The following TSPAN9 variants were observed in gnomAD, a reference collection of about 807,000 sequenced individuals.
The protein encoded by TSPAN9 is tetraspanin 9.
TSPAN9 carries 16 observed loss-of-function variants against 31.0 expected under a neutral mutation model. That is an observed-to-expected ratio of 0.52 (90% CI 0.35 to 0.78). The LOEUF (loss-of-function observed/expected upper bound fraction) is 0.78, where lower values mean the gene tolerates loss of function less well. TSPAN9 is among the 30% of genes least tolerant of loss of function. The pLI is 0.01. For missense variants in TSPAN9, 272 were observed against 312.5 expected, an observed-to-expected ratio of 0.87 and a Z score of 0.98; for synonymous variants, 145 against 121.6, an observed-to-expected ratio of 1.19 and a Z score of -1.27.
chr12:3,245,327 G>T (rs1862101361), intron 3 of TSPAN9, among the ~76,000 whole-genome samples: 1 of 152,222 alleles, frequency 6.6e-6, no homozygotes, highest in Non-Finnish European at 1.5e-5. Flanking sequence ...ATGCAGGAAG[G>T]ATGACCCTGG....
intron 3 of TSPAN9, among the ~76,000 whole-genome samples, chr12:3,205,373 G>T (rs542093431): frequency 6.6e-6 from 1 of 152,328 alleles, no homozygotes; most frequent in Admixed American, 6.5e-5. Context: ...GTGCTGATGG[G>T]GCCCTGATTA....
At chr12:3,116,735 C>T (rs1049618967) in intron 2 of TSPAN9, among the ~76,000 whole-genome samples, 1 of 152,202 alleles carries the variant, frequency 6.6e-6, no homozygotes, top group African/African-American at 2.4e-5. Flanking sequence ...CGTGCCTCTG[C>T]CGTCAGAGCC....
At chr12:3,118,384 C>A (rs548471255) in intron 2 of TSPAN9, among the ~76,000 whole-genome samples, 1 of 150,102 alleles carries the variant, frequency 6.7e-6, no homozygotes, top group Admixed American at 6.7e-5. Context: ...GCCTCCGCCT[C>A]CCGAGTAGCT....
At chr12:3,251,030 C>T (rs996551115) in intron 3 of TSPAN9, among the ~76,000 whole-genome samples, 3 of 152,182 alleles carry the variant, frequency 2.0e-5, no homozygotes, top group African/African-American at 7.2e-5. Flanking sequence ...CTCCCCCTAC[C>T]CCTGTGTTTT....
intron 3 of TSPAN9, among the ~76,000 whole-genome samples, chr12:3,229,493 G>A (rs10774132): frequency 2.6e-5 from 4 of 152,252 alleles, no homozygotes; most frequent in Non-Finnish European, 5.9e-5. Context: ...CTCCCTTGTC[G>A]TCCCAGGATC....
intron 3 of TSPAN9, among the ~76,000 whole-genome samples, chr12:3,243,703 G>A (rs600149): frequency 0.93 from 142,025 of 152,126 alleles, 67,092 homozygotes; most frequent in East Asian, 1. Context: ...AGGGGTTGAC[G>A]CCCGTGGTCT....
chr12:3,279,472 C>G (rs1014180027), intron 5 of TSPAN9, among the ~76,000 whole-genome samples: 1 of 152,208 alleles, frequency 6.6e-6, no homozygotes, highest in Admixed American at 6.5e-5. Context: ...CAAGGAGGAA[C>G]TCTCTGGGCG....
At chr12:3,134,784 G>A (rs755325910) in intron 2 of TSPAN9, among the ~76,000 whole-genome samples, 1 of 152,204 alleles carries the variant, frequency 6.6e-6, no homozygotes, top group African/African-American at 2.4e-5. Context: ...GAGAGCAGGG[G>A]CTAGCTCTGC....
At chr12:3,158,453 G>A (rs113433732) in intron 2 of TSPAN9, among the ~76,000 whole-genome samples, 11,765 of 152,162 alleles carry the variant, frequency 0.077, 477 homozygotes, top group Non-Finnish European at 0.096. Flanking sequence ...ATAGGCTTCC[G>A]TGGCTCACGC....
At chr12:3,274,137 C>G in intron 3 of TSPAN9, among the ~76,000 whole-genome samples, 1 of 152,152 alleles carries the variant, frequency 6.6e-6, no homozygotes, top group East Asian at 1.9e-4. Flanking sequence ...TTTGGCAGCA[C>G]CCCTGGCCTC....
chr12:3,090,691 A>G (rs1326588893), intron 2 of TSPAN9, among the ~76,000 whole-genome samples: 1 of 152,238 alleles, frequency 6.6e-6, no homozygotes, highest in Non-Finnish European at 1.5e-5. Context: ...CAAGGAGGGT[A>G]TGTGTGTTCC....
intron 2 of TSPAN9, among the ~76,000 whole-genome samples, chr12:3,190,535 A>G (rs1419439821): frequency 6.6e-6 from 1 of 152,168 alleles, no homozygotes; most frequent in Non-Finnish European, 1.5e-5. Flanking sequence ...TGAGGATCTG[A>G]CAGGGATGCT....
intron 3 of TSPAN9, among the ~76,000 whole-genome samples, chr12:3,231,940 C>A (rs1206976838): frequency 6.6e-6 from 1 of 152,254 alleles, no homozygotes; most frequent in African/African-American, 2.4e-5. Context: ...CAGCGTCTCC[C>A]CTCTCCCTGG....
intron 3 of TSPAN9, among the ~76,000 whole-genome samples, chr12:3,254,290 C>T (rs910297254): frequency 2.0e-5 from 3 of 152,178 alleles, no homozygotes; most frequent in African/African-American, 7.2e-5. Flanking sequence ...TTTCAATGCT[C>T]AGACGCTCTC....
intron 2 of TSPAN9, among the ~76,000 whole-genome samples, chr12:3,169,121 A>G (rs752419927): frequency 1.4e-4 from 21 of 152,144 alleles, no homozygotes; most frequent in Admixed American, 2.6e-4. Context: ...GGACCATTCT[A>G]TCTTCTGCAC....
In TSPAN9 at chr12:3,198,096, T is replaced by TCACCACCAGCACAGGC. The variant is rs1565610179; in HGVS notation, c.-17-3049_-17-3034dup. 2.2e-3 allele frequency among the ~76,000 whole-genome samples: 61 copies of TCACCACCAGCACAGGC among 27,362 alleles called. 5 individuals carry two copies. Among genetic ancestry groups the TCACCACCAGCACAGGC allele is most frequent in the African/African-American group, 7.9e-3 (54 of 6,872 alleles). The allele number at this position is 27,362 out of a possible 152,430, so 18.0% of individuals were successfully genotyped here. A position where few individuals can be genotyped will look rare whatever the true frequency, so the allele number is the denominator to read the frequency against. ...CAGCACAGGTCACCACCAGCACAGC[T>TCACCACCAGCACAGGC]CACCACCAGCACAGGCCACCACCAG... is the stretch of plus-strand genomic sequence containing the variant. On this transcript the variant is annotated intron_variant, in intron 2 of 8. Coordinates refer to ENST00000011898, the MANE Select transcript of TSPAN9 (RefSeq NM_006675.5).
At chr12:3,248,141 C>T (rs1287999477) in intron 3 of TSPAN9, among the ~76,000 whole-genome samples, 1 of 152,186 alleles carries the variant, frequency 6.6e-6, no homozygotes, top group East Asian at 1.9e-4. Flanking sequence ...CAATGTCTGT[C>T]CCCTGGGGAT....
intron 3 of TSPAN9, among the ~76,000 whole-genome samples, chr12:3,227,639 C>G (rs1477300641): frequency 6.6e-6 from 1 of 152,136 alleles, no homozygotes; most frequent in East Asian, 1.9e-4. Flanking sequence ...CGTGCCAGGC[C>G]CGGCCCCAGC....
intron 2 of TSPAN9, among the ~76,000 whole-genome samples, chr12:3,087,225 A>G (rs776610283): frequency 2.6e-5 from 4 of 152,184 alleles, no homozygotes; most frequent in Non-Finnish European, 4.4e-5. Context: ...TGCACTCTCA[A>G]TAGATCAGTA....
Sources: gnomAD v4.1 joint callset for allele counts (sites outside exome capture counted in the v4.1 genomes callset) on GRCh38, gnomAD v4.1.1 for gene constraint, MANE v1.5 for transcripts, NCBI Gene and HGNC (gene_info 2026-07-23, HGNC 2026-07-21) for gene names.